Variants in ANKRD12 observed in about 807,000 individuals in gnomAD.
ANKRD12 encodes ankyrin repeat domain-containing protein 12.
Under a neutral mutation model 183.4 loss-of-function variants are expected in ANKRD12, and 85 were observed. That is an observed-to-expected ratio of 0.46 (90% CI 0.39 to 0.56). The LOEUF (loss-of-function observed/expected upper bound fraction) is 0.56, where lower values mean the gene tolerates loss of function less well. Among genes scored for constraint, ANKRD12 ranks in the 20% least tolerant of loss-of-function variants. The probability of loss-of-function intolerance (pLI) is 0.00; values close to 1 mark genes in which losing one functional copy is unlikely to be tolerated. For synonymous variants in ANKRD12, 914 were observed against 800.2 expected, an observed-to-expected ratio of 1.14 and a Z score of -2.40; for missense variants, 2,405 against 2,357.1, an observed-to-expected ratio of 1.02 and a Z score of -0.42.
chr18:9,161,720 G>A (rs1287064931), intron 1 of ANKRD12, among the ~76,000 whole-genome samples: 1 of 150,944 alleles, frequency 6.6e-6, no homozygotes, highest in Non-Finnish European at 1.5e-5. Flanking sequence ...TAGTTACGGG[G>A]TACTATGTGA....
At chr18:9,148,406 ACT>A (rs1299020642) in intron 1 of ANKRD12, among the ~76,000 whole-genome samples, 4 of 152,106 alleles carry the variant, frequency 2.6e-5, no homozygotes, top group Non-Finnish European at 5.9e-5. Context: ...TTATTTACAA[ACT>A]CTAAATGTAT....
rs539446783 is a variant in ANKRD12, at chr18:9,249,269, A to C, written c.944-4942A>C. Among the ~76,000 whole-genome samples, 78 of 152,024 alleles carry C rather than the reference A, an allele frequency of 5.1e-4. No homozygotes were observed. In the Middle Eastern group the frequency reaches 0.01, roughly 20 times the overall value. ...CTTTTCCCTCAGTAACCACACTCTC[A>C]CCCCTCTCATCCTTCACCGAACATA... On this transcript the variant is annotated intron_variant, in intron 8 of 12. Coordinates refer to ENST00000262126, the MANE Select transcript of ANKRD12 (RefSeq NM_015208.5).
chr18:9,234,250 A>G (rs1245656946), intron 8 of ANKRD12, among the ~76,000 whole-genome samples: 1 of 152,166 alleles, frequency 6.6e-6, no homozygotes, highest in Non-Finnish European at 1.5e-5. Flanking sequence ...GGTAGCAGCA[A>G]CAGCTGTGCC....
chr18:9,208,181 G>GA (rs1183824394), intron 4 of ANKRD12, among the ~76,000 whole-genome samples: 1 of 152,146 alleles, frequency 6.6e-6, no homozygotes, highest in Non-Finnish European at 1.5e-5. Flanking sequence ...TGTTCTGTGT[G>GA]ATAAGACTTG....
chr18:9,143,352 A>G (rs2078384837), intron 1 of ANKRD12, among the ~76,000 whole-genome samples: 1 of 152,222 alleles, frequency 6.6e-6, no homozygotes, highest in South Asian at 2.1e-4. Context: ...CCAATTCACT[A>G]ATATATTTAT....
chr18:9,149,160 C>T (rs2078595055), intron 1 of ANKRD12, among the ~76,000 whole-genome samples: 1 of 152,190 alleles, frequency 6.6e-6, no homozygotes, highest in South Asian at 2.1e-4. Context: ...TATTATTCTG[C>T]ATGGTAACTA....
At chr18:9,186,821 A>G (rs7505782) in intron 2 of ANKRD12, among the ~76,000 whole-genome samples, 11,023 of 140,978 alleles carry the variant, frequency 0.078, 427 homozygotes, top group African/African-American at 0.092. Flanking sequence ...GCGCGATCTC[A>G]GCTCACTGCA....
Position 9,159,657 on chromosome 18 carries a change from T to G in ANKRD12, c.-52+22692T>G, listed in dbSNP as rs370193368. Among the ~76,000 whole-genome samples the G allele has an allele frequency of 2.4e-4, 36 of 151,234 alleles. No homozygotes were observed. The South Asian group carries it at 5.2e-3, about 22-fold the overall frequency. Reference sequence around the variant, plus strand: ...GGTTTCGCCGTGTTAGCCAGGATGGTCTCGATCTCCTGACCTCGTGATCCA... The same window carrying G: ...GGTTTCGCCGTGTTAGCCAGGATGGGCTCGATCTCCTGACCTCGTGATCCA... On this transcript the variant is annotated intron_variant, in intron 1 of 12. Coordinates refer to ENST00000262126, the MANE Select transcript of ANKRD12 (RefSeq NM_015208.5).
At chr18:9,205,346 TAA>T (rs1414669537) in intron 4 of ANKRD12, among the ~76,000 whole-genome samples, 100 of 152,166 alleles carry the variant, frequency 6.6e-4, no homozygotes, top group Non-Finnish European at 7.5e-4. Flanking sequence ...CCTGGGTGTC[TAA>T]GTGTCTAGTT....
chr18:9,202,387 A>G lies in ANKRD12; in HGVS notation c.236-2089A>G, dbSNP rs184485089. Among the ~76,000 whole-genome samples the G allele has an allele frequency of 2.3e-3, 348 of 152,306 alleles. 2 individuals carry two copies. In the Middle Eastern group the frequency reaches 0.024, roughly 10 times the overall value. On this transcript the variant is annotated intron_variant, in intron 3 of 12. Coordinates refer to ENST00000262126, the MANE Select transcript of ANKRD12 (RefSeq NM_015208.5). ...GATAGATATAATTTTTCTGGGAACT[A>G]TATTAAAATAGATAAAATTAGTGCT...
chr18:9,207,759 C>G (rs1002087352), intron 4 of ANKRD12, among the ~76,000 whole-genome samples: 1 of 152,046 alleles, frequency 6.6e-6, no homozygotes, highest in African/African-American at 2.4e-5. Context: ...TCAGTACATT[C>G]CAGATATTTG....
In ANKRD12 at chr18:9,255,246, G is replaced by C. The variant is rs1263878143; in HGVS notation, c.1979G>C (p.Arg660Thr). 32 of 1,561,314 alleles carry C rather than the reference G, an allele frequency of 2.0e-5. No homozygotes were observed. The Admixed American group carries it at 7.0e-4, about 34-fold the overall frequency. The change falls in exon 9 of 13, where the codon AGG (arginine) becomes ACG (threonine). Residue 660 changes from arginine to threonine, a missense_variant. This residue lies in a region of ANKRD12 where 1,983 missense variants were observed against 1,725.9 expected (regional missense o/e 1.15). Transcript: ENST00000262126. ...AAACATAAATTGAAGCATAAAGAGA[G>C]GGAAAAAGAAAAGCATAAAAAAGAA... Reference protein sequence around the residue: ...LKKHKLKHKEREKEKHKKEIE... With the variant: ...LKKHKLKHKETEKEKHKKEIE...
rs1279113188 is a variant in ANKRD12, at chr18:9,285,215, A to G, written c.*4089A>G. The stretch of plus-strand genomic sequence containing the variant: ...CAGAGCGAGACTCCGTCTCAAAAAA[A>G]AAAAAAAAGAAAGAAAAGAAAATAG... On this transcript the variant is annotated 3_prime_UTR_variant, in exon 13 of 13. Transcript: ENST00000262126. The G allele has an allele frequency of 2.6e-5, 4 of 151,086 alleles. No individual in the cohort carries two copies. The highest frequency in any genetic ancestry group is 2.6e-4 in the Admixed American group (4 of 15,172). The allele number at this position is 151,086 out of a possible 1,614,324, so 9.4% of individuals were successfully genotyped here. A position where few individuals can be genotyped will look rare whatever the true frequency, so the allele number is the denominator to read the frequency against.
chr18:9,163,577 A>G (rs903010353), intron 1 of ANKRD12, among the ~76,000 whole-genome samples: 2 of 152,150 alleles, frequency 1.3e-5, no homozygotes, highest in African/African-American at 2.4e-5. Context: ...AAGAACGTCA[A>G]TGGTAGTTTA....
intron 8 of ANKRD12, among the ~76,000 whole-genome samples, chr18:9,233,762 G>A (rs1167516419): frequency 6.6e-6 from 1 of 152,192 alleles, no homozygotes; most frequent in African/African-American, 2.4e-5. Flanking sequence ...TTTTGCTAGG[G>A]ACAGACATGT....
chr18:9,222,397 C>A (rs2036469765), intron 8 of ANKRD12, among the ~76,000 whole-genome samples: 1 of 151,692 alleles, frequency 6.6e-6, no homozygotes, highest in African/African-American at 2.4e-5. Context: ...AACGAGTCAT[C>A]TCTGTGATTT....
intron 3 of ANKRD12, among the ~76,000 whole-genome samples, chr18:9,200,846 A>G (rs771920277): frequency 1.3e-5 from 2 of 152,234 alleles, no homozygotes; most frequent in African/African-American, 4.8e-5. Context: ...CAGGGTTGGC[A>G]TAGCAGTTCA....
intron 9 of ANKRD12, among the ~76,000 whole-genome samples, chr18:9,263,399 A>G (rs869150616): frequency 7.5e-4 from 114 of 152,052 alleles, no homozygotes; most frequent in Non-Finnish European, 1.3e-3. Context: ...GACAGACCTC[A>G]CTATATAGAT....
At chr18:9,241,043 AAAATT>A (rs1431656522) in intron 8 of ANKRD12, among the ~76,000 whole-genome samples, 1 of 152,206 alleles carries the variant, frequency 6.6e-6, no homozygotes, top group Non-Finnish European at 1.5e-5. Flanking sequence ...AGATCCAAAA[AAAATT>A]ATTTAAGTCA....
Sources: gnomAD v4.1 joint callset for allele counts (sites outside exome capture counted in the v4.1 genomes callset) on GRCh38, gnomAD v4.1.1 for gene constraint, gnomAD v4.1.1 regional missense constraint, MANE v1.5 for transcripts, NCBI Gene and HGNC (gene_info 2026-07-23, HGNC 2026-07-21) for gene names.